Variants in TEX15 observed in about 807,000 individuals in gnomAD.
TEX15 encodes the protein testis expressed 15, meiosis and synapsis associated, also known as testis-expressed protein 15.
A neutral mutation model predicts 237.3 loss-of-function variants in TEX15; 171 were observed. The observed-to-expected ratio is 0.72, with a 90% confidence interval of 0.64 to 0.82. The LOEUF is 0.82. TEX15 is among the 40% of genes least tolerant of loss of function. TEX15 has a pLI of 0.00. For missense variants in TEX15, 3,750 were observed against 3,646.5 expected (o/e 1.03, Z -0.73); for synonymous variants, 1,338 against 1,269.8 (o/e 1.05, Z -1.14).
chr8:30,881,864 C>G (rs1240422944), intron 3 of TEX15, among the ~76,000 whole-genome samples: 1 of 152,026 alleles, frequency 6.6e-6, no homozygotes. Flanking sequence ...CTCAGGCAAT[C>G]CACCTGCCTC....
rs915504625 is a variant in TEX15, at chr8:30,836,823, G to A, written c.9461C>T (p.Pro3154Leu). 6.2e-7 allele frequency: 1 copy of A among 1,607,148 alleles called. No individual in the cohort carries two copies. ...YPYLPNRFVP[P>L]EVPWVYAPWH... ...CTCACCATAAACCCAAGGAACTTCT[G>A]GAGGCACAAATCGATTAGGAAGGTA... Residue 3154 changes from proline to leucine, a missense_variant, in exon 10 of 11, where the codon CCA becomes CTA. Coordinates refer to ENST00000643185, the MANE Select transcript of TEX15 (RefSeq NM_001350162.2).
Position 30,846,669 on chromosome 8 carries a change from T to C in TEX15, c.3498A>G (p.Pro1166=), listed in dbSNP as rs1354853705. The C allele has an allele frequency of 6.2e-7, 1 of 1,613,866 alleles. No homozygotes were observed. The highest frequency in any genetic ancestry group is 1.1e-5 in the South Asian group (1 of 91,044). Residue 1166 remains proline (P), a synonymous_variant, in exon 8 of 11, where the codon CCA becomes CCG. Coordinates refer to ENST00000643185, the MANE Select transcript of TEX15 (RefSeq NM_001350162.2). ...LQIKITNIFR[P]GFSPTADSLA... is the part of the protein sequence containing the mutation. ...GGGAGTCAGCTGTCGGGCTGAATCC[T>C]GGCCTAAATATATTAGTAATTTTAA...
At chr8:30,908,168 C>T (rs537743297) in intron 1 of TEX15, among the ~76,000 whole-genome samples, 2 of 152,252 alleles carry the variant, frequency 1.3e-5, no homozygotes, top group South Asian at 4.1e-4. Flanking sequence ...CAGTGATCCT[C>T]CCACCTCAGC....
At chr8:30,882,501 T>C (rs191647247) in intron 3 of TEX15, among the ~76,000 whole-genome samples, 10 of 152,264 alleles carry the variant, frequency 6.6e-5, no homozygotes, top group Non-Finnish European at 1.5e-4. Flanking sequence ...TAAGCCAGGA[T>C]GGTCCCAATC....
In TEX15 at chr8:30,846,464, A is replaced by T. The variant is rs1807613143; in HGVS notation, c.3703T>A (p.Ser1235Thr). 1 of 1,613,194 alleles carries T rather than the reference A, an allele frequency of 6.2e-7. No homozygotes were observed. The highest frequency in any genetic ancestry group is 1.7e-5 in the Admixed American group (1 of 59,978). Reference sequence around the variant, plus strand: ...AAGTCAAAAGAAAGGGAGATTTCAGAGTTACTCACTGGCCCTGATTCTTGC... The same window carrying T: ...AAGTCAAAAGAAAGGGAGATTTCAGTGTTACTCACTGGCCCTGATTCTTGC... ...IRQESGPVSN[S>T]EISLSFDLSR... The change falls in exon 8 of 11, where the codon TCT becomes ACT. Residue 1235 changes from serine to threonine, a missense_variant. Ser to Thr is a moderately conservative substitution (Grantham distance 58). Transcript: ENST00000643185.
intron 1 of TEX15, among the ~76,000 whole-genome samples, chr8:30,907,860 C>T (rs1809141332): frequency 6.6e-6 from 1 of 150,510 alleles, no homozygotes; most frequent in Non-Finnish European, 1.5e-5. Context: ...ACTGCTTGAG[C>T]CCAGGTGATC....
intron 1 of TEX15, among the ~76,000 whole-genome samples, chr8:30,906,089 C>T (rs1339006967): frequency 6.6e-6 from 1 of 152,172 alleles, no homozygotes; most frequent in Admixed American, 6.5e-5. Context: ...TTGATTACTA[C>T]AACACACAGA....
chr8:30,908,420 C>A (rs1429507845), intron 1 of TEX15, among the ~76,000 whole-genome samples: 1 of 152,170 alleles, frequency 6.6e-6, no homozygotes, highest in Non-Finnish European at 1.5e-5. Flanking sequence ...GTAATGTTTT[C>A]ATCTATGTAT....
rs752115747 is a variant in TEX15, at chr8:30,846,292, T to C, written c.3875A>G (p.Lys1292Arg). 1.9e-6 allele frequency: 3 copies of C among 1,613,156 alleles called. No individual in the cohort carries two copies. Among genetic ancestry groups the C allele is most frequent in the African/African-American group, 2.7e-5 (2 of 74,900 alleles). Reference sequence around the variant, plus strand: ...GCTAATTCTTGATTCTACCTCCTTTTTATTTTTGGTATCATTATAGTCAGT... The same window carrying C: ...GCTAATTCTTGATTCTACCTCCTTTCTATTTTTGGTATCATTATAGTCAGT... ...SKTDYNDTKN[K>R]KEVESRISKR... is the part of the protein sequence containing the mutation. The change falls in exon 8 of 11, where the codon AAA (lysine) becomes AGA (arginine). Residue 1292 changes from lysine (K) to arginine (R), a missense_variant. Transcript: ENST00000643185.
chr8:30,834,676 G>A (rs1240922715), intron 10 of TEX15, among the ~76,000 whole-genome samples: 4 of 152,178 alleles, frequency 2.6e-5, no homozygotes, highest in African/African-American at 7.2e-5. Context: ...TCCTACGGGA[G>A]AACATTAAGT....
Position 30,843,812 on chromosome 8 carries a change from C to T in TEX15, c.6355G>A (p.Gly2119Arg). Residue 2119 changes from glycine (G) to arginine (R), a missense_variant, in exon 8 of 11, where the codon GGA becomes AGA. By Grantham distance (125) the Gly-to-Arg change is moderately radical. Transcript: ENST00000643185. ...TAGAAATTAGACTGCTGTTGAAATCCACGTGGTTTTCCAAGAAGCTCAGCA... is the reference window on the plus strand; with the variant it reads ...TAGAAATTAGACTGCTGTTGAAATCTACGTGGTTTTCCAAGAAGCTCAGCA... ...LYAELLGKPR[G>R]FQQQSNFYPG... 6.2e-7 allele frequency: 1 copy of T among 1,612,864 alleles called. No homozygotes were observed. The highest frequency in any genetic ancestry group is 8.5e-7 in the Non-Finnish European group (1 of 1,179,422).
rs1563226527 is a variant in TEX15, at chr8:30,836,998, A to G, written c.9286T>C (p.Tyr3096His). 21 of 1,614,154 alleles carry G rather than the reference A, an allele frequency of 1.3e-5. No homozygotes were observed. The highest frequency in any genetic ancestry group is 1.8e-5 in the Non-Finnish European group (21 of 1,180,034). Residue 3096 changes from tyrosine to histidine, a missense_variant, in exon 10 of 11, where the codon TAT becomes CAT. Coordinates refer to ENST00000643185, the MANE Select transcript of TEX15 (RefSeq NM_001350162.2). ...GGCTCCCCCGCAAAATAAGTAAAAT[A>G]TTGAGAGTACAGAAGATTAGAATGT... ...GTHSNLLYSQ[Y>H]FTYFAGEPQA...
At chr8:30,897,343 T>C (rs1173403832) in intron 2 of TEX15, among the ~76,000 whole-genome samples, 2 of 152,234 alleles carry the variant, frequency 1.3e-5, no homozygotes, top group Non-Finnish European at 1.5e-5. Flanking sequence ...TATAGGCATA[T>C]GCAAGAAATT....
In TEX15 at chr8:30,845,632, T is replaced by G. The variant is rs1245649674; in HGVS notation, c.4535A>C (p.Gln1512Pro). 1.2e-6 allele frequency: 2 copies of G among 1,613,488 alleles called. No homozygotes were observed. Among genetic ancestry groups the G allele is most frequent in the Non-Finnish European group, 8.5e-7 (1 of 1,179,628 alleles). ...AGGCAACTGTGATTCAGGATGTTCTTGATTACAAAATTCTCCCATGTGACT... is the reference window on the plus strand; with the variant it reads ...AGGCAACTGTGATTCAGGATGTTCTGGATTACAAAATTCTCCCATGTGACT... ...TTSHMGEFCNQEHPESQLPVS... is the reference protein window; with the variant it reads ...TTSHMGEFCNPEHPESQLPVS... The change falls in exon 8 of 11, where the codon CAA becomes CCA. Residue 1512 changes from glutamine to proline, a missense_variant. By Grantham distance (76) the Gln-to-Pro change is moderately conservative. Transcript: ENST00000643185.
chr8:30,872,788 G>A lies in TEX15; in HGVS notation c.302+2149C>T, dbSNP rs370309950. 3.3e-5 allele frequency among the ~76,000 whole-genome samples: 5 copies of A among 152,014 alleles called. No homozygotes were observed. In the East Asian group the frequency reaches 7.7e-4, roughly 23 times the overall value. Reference sequence around the variant, plus strand: ...AAACAGAAAAAAGTGTATAGAATAAGGATAAAAATATTTTGTACAGTTGCA... The same window carrying A: ...AAACAGAAAAAAGTGTATAGAATAAAGATAAAAATATTTTGTACAGTTGCA... On this transcript the variant is annotated intron_variant, in intron 4 of 10. Transcript: ENST00000643185.
intron 4 of TEX15, among the ~76,000 whole-genome samples, chr8:30,873,918 T>C (rs1358237349): frequency 6.6e-6 from 1 of 152,170 alleles, no homozygotes; most frequent in African/African-American, 2.4e-5. Flanking sequence ...TATCACTGGG[T>C]ACTTGTTCTA....
chr8:30,904,589 GA>G (rs1381021800), intron 1 of TEX15, among the ~76,000 whole-genome samples: 1 of 152,084 alleles, frequency 6.6e-6, no homozygotes, highest in Non-Finnish European at 1.5e-5. Context: ...TTCTAACTAG[GA>G]TTGACCAATA....
Position 30,907,026 on chromosome 8 carries a change from G to A in TEX15, c.-86+5853C>T, listed in dbSNP as rs186591885. ...TAAAACATACCATACAGATGTAAAG[G>A]TTGTATAAATCTTCGTAAGAATACC... On this transcript the variant is annotated intron_variant, in intron 1 of 10. Transcript: ENST00000643185. 3.9e-5 allele frequency among the ~76,000 whole-genome samples: 6 copies of A among 152,262 alleles called. No homozygotes were observed. The East Asian group carries it at 1.2e-3, about 29-fold the overall frequency.
chr8:30,908,921 T>C lies in TEX15; in HGVS notation c.-86+3958A>G, dbSNP rs556253299. On this transcript the variant is annotated intron_variant, in intron 1 of 10. Transcript: ENST00000643185. ...CTCTAGAATACTAGATTACAATGGT[T>C]CCTGCTGTTTTAATATAAAAATGCC... Among the ~76,000 whole-genome samples the C allele has an allele frequency of 1.1e-4, 17 of 152,292 alleles. No individual in the cohort carries two copies. The South Asian group carries it at 3.5e-3, about 32-fold the overall frequency.
Sources: gnomAD v4.1 joint callset for allele counts (sites outside exome capture counted in the v4.1 genomes callset) on GRCh38, gnomAD v4.1.1 for gene constraint, MANE v1.5 for transcripts, NCBI Gene and HGNC (gene_info 2026-07-23, HGNC 2026-07-21) for gene names.